The following NRXN2 variants were observed in gnomAD, a reference collection of about 807,000 sequenced individuals.
NRXN2 encodes neurexin 2.
NRXN2 carries 29 observed loss-of-function variants against 128.8 expected under a neutral mutation model. The ratio of observed to expected loss-of-function variants is 0.23; its 90% CI spans 0.17 to 0.31. The LOEUF (loss-of-function observed/expected upper bound fraction) is 0.31, where lower values mean the gene tolerates loss of function less well. NRXN2 is among the 10% of genes least tolerant of loss of function. The probability of loss-of-function intolerance (pLI) is 1.00; values close to 1 mark genes in which losing one functional copy is unlikely to be tolerated. For missense variants in NRXN2, 1,881 were observed against 2,452.6 expected (o/e 0.77, Z 4.92); for synonymous variants, 1,098 against 1,075.2 (o/e 1.02, Z -0.41).
At chr11:64,662,736 C>G (rs1203390156) in intron 9 of NRXN2, among the ~76,000 whole-genome samples, 1 of 151,872 alleles carries the variant, frequency 6.6e-6, no homozygotes, top group East Asian at 1.9e-4. Context: ...GAGCCAAGAT[C>G]GTGCCACTGC....
At chr11:64,717,197 C>T (rs547550563) in intron 1 of NRXN2, among the ~76,000 whole-genome samples, 10 of 152,314 alleles carry the variant, frequency 6.6e-5, no homozygotes, top group South Asian at 2.1e-4. Context: ...CAGAGGAAGC[C>T]GCCTTGCACC....
At chr11:64,708,310 T>G (rs1047142168) in intron 2 of NRXN2, among the ~76,000 whole-genome samples, 1 of 152,150 alleles carries the variant, frequency 6.6e-6, no homozygotes, top group Non-Finnish European at 1.5e-5. Flanking sequence ...CCTGAGCAAA[T>G]AGTATACACC....
chr11:64,688,538 C>G (rs1001576856), intron 5 of NRXN2: 1 of 985,250 alleles, frequency 1.0e-6, no homozygotes, highest in Non-Finnish European at 1.2e-6. Flanking sequence ...AGAGCACAAA[C>G]AAGATCTGGG....
Position 64,630,716 on chromosome 11 carries a change from A to G in NRXN2, c.3586-143T>C. The G allele has an allele frequency of 1.1e-6, 1 of 946,402 alleles. No homozygotes were observed. The highest frequency in any genetic ancestry group is 1.6e-6 in the Non-Finnish European group (1 of 615,082). The allele number at this position is 946,402 out of a possible 1,614,324, so 58.6% of individuals were successfully genotyped here. A position where few individuals can be genotyped will look rare whatever the true frequency, so the allele number is the denominator to read the frequency against. ...GTCTCAACCGCTGGAGGAGGTGGGCAGGCTCGCTCCCCTTCCCCACATGCA... is the reference window on the plus strand; with the variant it reads ...GTCTCAACCGCTGGAGGAGGTGGGCGGGCTCGCTCCCCTTCCCCACATGCA... On this transcript the variant is annotated intron_variant, in intron 18 of 22. Coordinates refer to ENST00000265459, the MANE Select transcript of NRXN2 (RefSeq NM_015080.4). This position sits in a 1 kb window ranked among gnomAD's most constrained non-coding sequence, Gnocchi z 4.6.
chr11:64,648,310 G>A lies in NRXN2; in HGVS notation c.3312C>T (p.Ser1104=), dbSNP rs1218511417. The part of the protein sequence containing the change: ...DGPSTTCTEE[S]CANQGVCLQQ... ...GCAAGCAGACGCCCTGGTTGGCACA[G>A]GACTCTTCAGTGCAGGTGGTGCTGG... The change falls in exon 17 of 23, where the codon TCC becomes TCT. Residue 1104 remains serine (S), a synonymous_variant. Transcript: ENST00000265459. The surrounding 1 kb of genome is among the most constrained non-coding windows in gnomAD (Gnocchi z 4.1). 8 of 1,614,114 alleles carry A rather than the reference G, an allele frequency of 5.0e-6. No homozygotes were observed. The highest frequency in any genetic ancestry group is 6.8e-6 in the Non-Finnish European group (8 of 1,180,052).
chr11:64,614,096 C>G (rs2041089771), intron 22 of NRXN2, among the ~76,000 whole-genome samples: 1 of 152,156 alleles, frequency 6.6e-6, no homozygotes. Flanking sequence ...GCCCAGAAAT[C>G]TGCATCCCAC....
At chr11:64,659,155 C>A (rs1002953650) in intron 11 of NRXN2, among the ~76,000 whole-genome samples, 3 of 152,214 alleles carry the variant, frequency 2.0e-5, no homozygotes, top group Admixed American at 6.5e-5. Context: ...GCTTCCTATA[C>A]GGCTGGTGCT....
rs1040545865 is a variant in NRXN2, at chr11:64,607,649, C to G, written c.4686G>C (p.Ala1562=). 1.5e-5 allele frequency: 22 copies of G among 1,516,390 alleles called. No individual in the cohort carries two copies. The highest frequency in any genetic ancestry group is 1.9e-5 in the Non-Finnish European group (22 of 1,130,670). The allele number at this position is 1,516,390 out of a possible 1,614,324, so 93.9% of individuals were successfully genotyped here. Residue 1562 remains alanine (A), a synonymous_variant, in exon 23 of 23, where the codon GCG becomes GCC. Transcript: ENST00000265459. ...GCGGGTCTCGGTGGTTCATTTTGCC[C>G]GCCGGCAGGTTGGGGGCCGGGGCGG... The part of the protein sequence containing the change: ...APSAPAPNLP[A]GKMNHRDPLQ...
intron 17 of NRXN2, chr11:64,642,945 C>G: frequency 9.8e-7 from 1 of 1,021,634 alleles, no homozygotes; most frequent in Non-Finnish European, 1.2e-6. Flanking sequence ...GCCCAAGCCT[C>G]GGTCCGGAGC....
At position 64,623,211 on chromosome 11, in the gene NRXN2, G is replaced by A. The variant is rs1468753102; in HGVS notation, c.3848-133C>T. On this transcript the variant is annotated intron_variant, in intron 20 of 22. Coordinates refer to ENST00000265459, the MANE Select transcript of NRXN2 (RefSeq NM_015080.4). This position sits in a 1 kb window ranked among gnomAD's most constrained non-coding sequence, Gnocchi z 4.9. ...GAAAGCCAGTAAGGGAGGAGGGGACGGGGAGAAATGAGGAAGGGGCAGAAA... is the reference window on the plus strand; with the variant it reads ...GAAAGCCAGTAAGGGAGGAGGGGACAGGGAGAAATGAGGAAGGGGCAGAAA... 5.7e-5 allele frequency: 79 copies of A among 1,374,846 alleles called. No homozygotes were observed. The highest frequency in any genetic ancestry group is 7.0e-5 in the Non-Finnish European group (73 of 1,036,878). 85.2% of individuals were successfully genotyped at this position (1,374,846 alleles called of 1,614,324 possible).
At chr11:64,691,873 C>T (rs373298119) in intron 4 of NRXN2, among the ~76,000 whole-genome samples, 2 of 152,306 alleles carry the variant, frequency 1.3e-5, no homozygotes, top group South Asian at 2.1e-4. Flanking sequence ...TCCTGCCTAC[C>T]GGCTAAGGAC....
At position 64,622,762 on chromosome 11, in the gene NRXN2, G is replaced by A. The variant is rs879753655; in HGVS notation, c.4164C>T (p.Ser1388=). 1 of 1,608,774 alleles carries A rather than the reference G, an allele frequency of 6.2e-7. No homozygotes were observed. The change falls in exon 21 of 23, where the codon AGC becomes AGT. Residue 1388 remains serine (S), a synonymous_variant. Transcript: ENST00000265459. The surrounding 1 kb of genome is among the most constrained non-coding windows in gnomAD (Gnocchi z 4.3). The part of the protein sequence containing the change: ...RRGRSPTLRD[S]TTQNTDDLLV... ...CAGAGTGGGGCCTCACCTGGGTGGT[G>A]CTGTCCCTCAGTGTGGGGGAGCGGC...
At chr11:64,686,052 G>A (rs2053005044) in intron 5 of NRXN2, 105 bp from the exon 6 acceptor site, 2 of 1,269,264 alleles carry the variant, frequency 1.6e-6, no homozygotes, top group Non-Finnish European at 2.3e-6. Context: ...TGGGCACCAG[G>A]AGCCCAGAGG....
At chr11:64,625,012 G>T (rs2042891929) in intron 20 of NRXN2, among the ~76,000 whole-genome samples, 1 of 152,212 alleles carries the variant, frequency 6.6e-6, no homozygotes, top group Non-Finnish European at 1.5e-5. Flanking sequence ...TCAGAAAGGG[G>T]AAGTACTTGG....
chr11:64,701,470 G>C (rs2055342051), intron 2 of NRXN2, among the ~76,000 whole-genome samples: 1 of 152,200 alleles, frequency 6.6e-6, no homozygotes, highest in South Asian at 2.1e-4. Flanking sequence ...TAGCTACAAT[G>C]GTTCGCGCCT....
At chr11:64,692,763 G>T (rs1824165135) in intron 4 of NRXN2, 84 bp downstream of exon 4, 10 of 1,451,306 alleles carry the variant, frequency 6.9e-6, no homozygotes, top group Non-Finnish European at 9.7e-6. Context: ...AAGGGGACAG[G>T]GGAAGGACAG....
In NRXN2 at chr11:64,607,591, G is replaced by T; in HGVS notation, c.4744C>A (p.Pro1582Thr). ...GGCTCAAAGGACGTGGGGGCCCCGG[G>T]CCCCAAGGGCGGGTTCTCCAGCAAG... ...QPLLENPPLG[P>T]GAPTSFEPRR... Residue 1582 changes from proline to threonine, a missense_variant, in exon 23 of 23, where the codon CCC becomes ACC. By Grantham distance (38) the Pro-to-Thr change is conservative. Around this residue, in one of 7 missense-constraint regions of NRXN2, gnomAD observed 310 missense variants for 318.2 expected, o/e 0.97. Transcript: ENST00000265459. 6.5e-7 allele frequency: 1 copy of T among 1,534,534 alleles called. No homozygotes were observed. The highest frequency in any genetic ancestry group is 8.7e-7 in the Non-Finnish European group (1 of 1,143,838).
chr11:64,668,608 T>C lies in NRXN2; in HGVS notation c.1198-4A>G, dbSNP rs1208402073. On this transcript the variant is annotated splice_region_variant and splice_polypyrimidine_tract_variant and intron_variant, in intron 7 of 22. Coordinates refer to ENST00000265459, the MANE Select transcript of NRXN2 (RefSeq NM_015080.4). Reference sequence around the variant, plus strand: ...TCCCGTCCACCGAGATGGTCACCTGTCCAGCCCAGGAGGGAGGGAGAAAGA... The same window carrying C: ...TCCCGTCCACCGAGATGGTCACCTGCCCAGCCCAGGAGGGAGGGAGAAAGA... 9.3e-6 allele frequency: 15 copies of C among 1,612,738 alleles called. No homozygotes were observed. The highest frequency in any genetic ancestry group is 1.3e-5 in the Non-Finnish European group (15 of 1,179,938).
At chr11:64,704,833 G>A (rs752315268) in intron 2 of NRXN2, among the ~76,000 whole-genome samples, 8 of 152,210 alleles carry the variant, frequency 5.3e-5, no homozygotes, top group Non-Finnish European at 1.0e-4. Context: ...TACCTGAGGG[G>A]AATCACGACC....
Sources: gnomAD v4.1 joint callset for allele counts (sites outside exome capture counted in the v4.1 genomes callset) on GRCh38, gnomAD v4.1.1 for gene constraint, gnomAD v4.1.1 regional missense constraint, Gnocchi (gnomAD v3.1) non-coding constraint, MANE v1.5 for transcripts, NCBI Gene and HGNC (gene_info 2026-07-23, HGNC 2026-07-21) for gene names.